The following SVEP1 variants were observed in gnomAD, a reference collection of about 807,000 sequenced individuals.
The protein encoded by SVEP1 is sushi, von Willebrand factor type A, EGF and pentraxin domain-containing protein 1.
A neutral mutation model predicts 367.3 loss-of-function variants in SVEP1; 164 were observed. The ratio of observed to expected loss-of-function variants is 0.45; its 90% confidence interval spans 0.39 to 0.51. The LOEUF (loss-of-function observed/expected upper bound fraction) is 0.51, where lower values mean the gene tolerates loss of function less well. Among genes scored for constraint, SVEP1 ranks in the 20% least tolerant of loss-of-function variants. SVEP1 has a pLI of 0.00. For missense variants in SVEP1, 4,117 were observed against 4,425.3 expected, an observed-to-expected ratio of 0.93 and a Z score of 1.98; for synonymous variants, 1,666 against 1,611.6, an observed-to-expected ratio of 1.03 and a Z score of -0.81.
At chr9:110,530,432 A>T (rs929143733) in intron 3 of SVEP1, among the ~76,000 whole-genome samples, 13 of 152,188 alleles carry the variant, frequency 8.5e-5, no homozygotes, top group Middle Eastern at 3.2e-3. Flanking sequence ...CATGGAATAG[A>T]ATATGATGAA....
At chr9:110,432,319 C>T (rs1404847469) in intron 31 of SVEP1, 143 bp downstream of exon 31, 8 of 1,103,546 alleles carry the variant, frequency 7.2e-6, no homozygotes, top group African/African-American at 3.1e-5. Flanking sequence ...CATACAGCTG[C>T]TTTGTCACTA....
intron 18 of SVEP1, among the ~76,000 whole-genome samples, chr9:110,463,548 TAGTA>T (rs1828890835): frequency 1.1e-5 from 1 of 90,078 alleles, no homozygotes; most frequent in African/African-American, 4.3e-5. Context: ...GTAATAAAAA[TAGTA>T]AATCAATACC....
chr9:110,473,095 A>G lies in SVEP1; in HGVS notation c.2600-772T>C, dbSNP rs112157559. Among the ~76,000 whole-genome samples the G allele has an allele frequency of 2.6e-3, 402 of 151,946 alleles. 4 individuals carry two copies. Among genetic ancestry groups the G allele is most frequent in the Non-Finnish European group, 4.5e-3 (309 of 67,934 alleles). On this transcript the variant is annotated intron_variant, in intron 14 of 47. Transcript: ENST00000374469. ...TGTCAAACTCAGTATTTGACTTATT[A>G]TAAAACTATATGAATATTATTCTGG...
In SVEP1 at chr9:110,443,710, A is replaced by G; in HGVS notation, c.4474T>C (p.Tyr1492His). 2.5e-6 allele frequency: 4 copies of G among 1,604,420 alleles called. No homozygotes were observed. Among genetic ancestry groups the G allele is most frequent in the Non-Finnish European group, 3.4e-6 (4 of 1,174,984 alleles). Residue 1492 changes from tyrosine (Y) to histidine (H), a missense_variant, in exon 27 of 48, where the codon TAT becomes CAT. Coordinates refer to ENST00000374469, the MANE Select transcript of SVEP1 (RefSeq NM_153366.4). The stretch of plus-strand genomic sequence containing the variant: ...GTTATCTTTTCCCTGCCATTCACAT[A>G]AAGAACCCAGCTGTAGAGAGAAAGA... Reference protein sequence around the residue: ...LLTDYNGWVLYVNGREKITNC... With the variant: ...LLTDYNGWVLHVNGREKITNC...
intron 1 of SVEP1, among the ~76,000 whole-genome samples, chr9:110,559,170 T>C (rs1830392765): frequency 6.6e-6 from 1 of 152,068 alleles, no homozygotes; most frequent in Admixed American, 6.5e-5. Context: ...TTCATTATTA[T>C]TTAAAATCCT....
intron 6 of SVEP1, among the ~76,000 whole-genome samples, chr9:110,499,751 TAGC>T (rs1296737698): frequency 1.3e-5 from 2 of 152,208 alleles, no homozygotes; most frequent in Non-Finnish European, 2.9e-5. Flanking sequence ...AGAAAAAGAA[TAGC>T]AGATGAATTA....
intron 3 of SVEP1, among the ~76,000 whole-genome samples, chr9:110,527,901 G>A (rs972617552): frequency 1.3e-5 from 2 of 151,258 alleles, no homozygotes; most frequent in Non-Finnish European, 3.0e-5. Context: ...ATACCATACT[G>A]TATGCTTTGG....
intron 1 of SVEP1, among the ~76,000 whole-genome samples, chr9:110,577,568 A>G (rs1002633317): frequency 1.3e-5 from 2 of 152,152 alleles, no homozygotes; most frequent in Non-Finnish European, 2.9e-5. Context: ...CTATGAACAA[A>G]TATAGGATCT....
At chr9:110,367,170 T>C (rs1193466716) in intron 47 of SVEP1, among the ~76,000 whole-genome samples, 1 of 152,180 alleles carries the variant, frequency 6.6e-6, no homozygotes, top group Non-Finnish European at 1.5e-5. Flanking sequence ...GGCATATATA[T>C]ATATTTTAAA....
intron 3 of SVEP1, among the ~76,000 whole-genome samples, chr9:110,518,057 T>G (rs1161272690): frequency 6.6e-6 from 1 of 152,168 alleles, no homozygotes; most frequent in Non-Finnish European, 1.5e-5. Flanking sequence ...CTTTCAGGTT[T>G]GTTTATTTTT....
At chr9:110,386,896 TTTATATATACTTCA>T (rs1827532510) in intron 42 of SVEP1, among the ~76,000 whole-genome samples, 1 of 152,256 alleles carries the variant, frequency 6.6e-6, no homozygotes, top group Non-Finnish European at 1.5e-5. Context: ...ATTTATCATA[TTTATATATACTTCA>T]TTATATTAAC....
intron 1 of SVEP1, among the ~76,000 whole-genome samples, chr9:110,575,314 T>C (rs1830614505): frequency 6.6e-6 from 1 of 152,138 alleles, no homozygotes; most frequent in African/African-American, 2.4e-5. Context: ...TTACCCATTT[T>C]ACTGTTTTGG....
chr9:110,450,157 A>G lies in SVEP1; in HGVS notation c.4005T>C (p.Pro1335=), dbSNP rs750174286. ...QVGGFLCKCP[P]GFLGTRCGKN... is the part of the protein sequence containing the mutation. ...TTCCACATCGGGTACCCAAAAATCC[A>G]GGTGGGCATTTGCACAAGAATCCCC... Residue 1335 remains proline, a synonymous_variant, in exon 24 of 48, where the codon CCT becomes CCC. Coordinates refer to ENST00000374469, the MANE Select transcript of SVEP1 (RefSeq NM_153366.4). 1 of 1,613,938 alleles carries G rather than the reference A, an allele frequency of 6.2e-7. No individual in the cohort carries two copies. Among genetic ancestry groups the G allele is most frequent in the Non-Finnish European group, 8.5e-7 (1 of 1,179,844 alleles).
At position 110,450,274 on chromosome 9, in the gene SVEP1, A is replaced by C. The variant is rs1200790948; in HGVS notation, c.3902-14T>G. ...CACAATGCAGGCCTGAGGATGGAGA[A>C]GGAAGAGAAACAGCCCAAATGATTA... On this transcript the variant is annotated splice_polypyrimidine_tract_variant and intron_variant, in intron 23 of 47. Coordinates refer to ENST00000374469, the MANE Select transcript of SVEP1 (RefSeq NM_153366.4). 1.2e-6 allele frequency: 2 copies of C among 1,613,176 alleles called. No homozygotes were observed. The highest frequency in any genetic ancestry group is 2.7e-5 in the African/African-American group (2 of 74,878).
At chr9:110,432,378 C>T (rs1416428236) in intron 31 of SVEP1, 84 bp downstream of exon 31, 2 of 1,483,622 alleles carry the variant, frequency 1.3e-6, no homozygotes, top group Non-Finnish European at 1.8e-6. Flanking sequence ...CAAAGCAATG[C>T]CTCAAGAACC....
chr9:110,414,605 C>A (rs546968191), intron 36 of SVEP1, among the ~76,000 whole-genome samples: 1 of 151,854 alleles, frequency 6.6e-6, no homozygotes, highest in Non-Finnish European at 1.5e-5. Context: ...TTTCTGGAAT[C>A]GTAACAAAAA....
rs552081034 is a variant in SVEP1, at chr9:110,427,830, T to A, written c.5808-72A>T. The A allele has an allele frequency of 2.0e-6, 3 of 1,506,862 alleles. No individual in the cohort carries two copies. The Admixed American group carries it at 6.9e-5, about 34-fold the overall frequency. 93.3% of individuals were successfully genotyped at this position (1,506,862 alleles called of 1,614,324 possible). On this transcript the variant is annotated intron_variant, in intron 35 of 47. Coordinates refer to ENST00000374469, the MANE Select transcript of SVEP1 (RefSeq NM_153366.4). The stretch of plus-strand genomic sequence containing the variant: ...GCTATGGAGATAAAACAGGAAGAAC[T>A]CTGGAGAAAATAAGGGACATTTGAG...
chr9:110,503,473 G>C (rs1356630926), intron 5 of SVEP1, among the ~76,000 whole-genome samples: 2 of 152,154 alleles, frequency 1.3e-5, no homozygotes, highest in Non-Finnish European at 2.9e-5. Flanking sequence ...CTGTCTAAGA[G>C]GCCTGGCCCT....
chr9:110,549,467 T>A (rs868570898), intron 2 of SVEP1, among the ~76,000 whole-genome samples: 2 of 152,152 alleles, frequency 1.3e-5, no homozygotes, highest in Admixed American at 6.5e-5. Flanking sequence ...TTCTGGTAAG[T>A]TTCACTGAGC....
Sources: allele counts gnomAD v4.1 joint callset (sites outside exome capture counted in the v4.1 genomes callset), GRCh38; gene constraint gnomAD v4.1.1; transcripts MANE v1.5; gene names NCBI Gene and HGNC (gene_info 2026-07-23, HGNC 2026-07-21).